The following ZFYVE27 variants were observed in gnomAD, a reference collection of about 807,000 sequenced individuals.
ZFYVE27 encodes the protein protrudin.
Under a neutral mutation model 52.8 loss-of-function variants are expected in ZFYVE27, and 36 were observed. The ratio of observed to expected loss-of-function variants is 0.68; its 90% CI spans 0.52 to 0.90. The LOEUF (loss-of-function observed/expected upper bound fraction) is 0.90, where lower values mean the gene tolerates loss of function less well. Among genes scored for constraint, ZFYVE27 ranks in the 40% least tolerant of loss-of-function variants. The pLI, the probability that ZFYVE27 is intolerant of heterozygous loss-of-function variation, is 0.00. For missense variants in ZFYVE27, 450 were observed against 527.2 expected (o/e 0.85, Z 1.43); for synonymous variants, 223 against 215.6 (o/e 1.03, Z -0.30).
intron 10 of ZFYVE27, among the ~76,000 whole-genome samples, chr10:97,753,428 A>C (rs1253248500): frequency 6.6e-6 from 1 of 152,106 alleles, no homozygotes; most frequent in Non-Finnish European, 1.5e-5. Flanking sequence ...AGTTGTGGGA[A>C]GACAAGGAAC....
intron 2 of ZFYVE27, among the ~76,000 whole-genome samples, chr10:97,740,400 C>T (rs1226237356): frequency 1.3e-5 from 2 of 152,218 alleles, no homozygotes; most frequent in African/African-American, 4.8e-5. Context: ...AGGCTGTTTT[C>T]TCCTTTTATA....
intron 12 of ZFYVE27, among the ~76,000 whole-genome samples, chr10:97,758,387 G>A (rs945983378): frequency 2.7e-5 from 4 of 149,046 alleles, no homozygotes; most frequent in African/African-American, 5.0e-5. Flanking sequence ...GCAGTGGTAC[G>A]GCCTTGGCTC....
chr10:97,748,280 T>G lies in ZFYVE27; in HGVS notation c.467T>G (p.Leu156Arg). 2 of 1,614,084 alleles carry G rather than the reference T, an allele frequency of 1.2e-6. No individual in the cohort carries two copies. The highest frequency in any genetic ancestry group is 1.7e-6 in the Non-Finnish European group (2 of 1,180,026). The change falls in exon 5 of 13, where the codon CTG becomes CGG. Residue 156 changes from leucine to arginine, a missense_variant. Coordinates refer to ENST00000684270, the MANE Select transcript of ZFYVE27 (RefSeq NM_001385875.1). ...CCCTGTGTCTGTAGCTTGATCCAGC[T>G]GGAGGCCTTCCTGAGCCGCCTGTGC... ...VAEVKSFLIQ[L>R]EAFLSRLCCT... is the part of the protein sequence containing the mutation.
intron 11 of ZFYVE27, 135 bp from the exon 12 acceptor site, chr10:97,757,507 T>C (rs1048211324): frequency 7.9e-7 from 1 of 1,265,452 alleles, no homozygotes; most frequent in East Asian, 2.3e-5. Flanking sequence ...CCATTTGCTC[T>C]CTTTCCTGCT....
intron 7 of ZFYVE27, among the ~76,000 whole-genome samples, chr10:97,750,941 C>A (rs1240356456): frequency 6.6e-6 from 1 of 152,074 alleles, no homozygotes; most frequent in African/African-American, 2.4e-5. Flanking sequence ...TGAGGTTTTG[C>A]CATGTTGCCC....
At chr10:97,752,069 C>T (rs1200880451) in intron 8 of ZFYVE27, among the ~76,000 whole-genome samples, 1 of 152,186 alleles carries the variant, frequency 6.6e-6, no homozygotes, top group Non-Finnish European at 1.5e-5. Context: ...GAGTCTGCAG[C>T]AGTAGGTGTA....
intron 7 of ZFYVE27, 117 bp downstream of exon 7, chr10:97,750,587 T>G: frequency 3.0e-6 from 4 of 1,352,022 alleles, no homozygotes; most frequent in Non-Finnish European, 4.1e-6. Context: ...TCCCAGGCCT[T>G]AACTCCCCTG....
intron 4 of ZFYVE27, among the ~76,000 whole-genome samples, chr10:97,746,096 T>C (rs1465104337): frequency 2.0e-5 from 3 of 147,670 alleles, no homozygotes; most frequent in African/African-American, 5.0e-5. Flanking sequence ...TAACCCAGGC[T>C]GAAATGCAGT....
In ZFYVE27 at chr10:97,750,345, A is replaced by T; in HGVS notation, c.679A>T (p.Arg227Trp). 1 of 1,614,092 alleles carries T rather than the reference A, an allele frequency of 6.2e-7. No homozygotes were observed. The highest frequency in any genetic ancestry group is 8.5e-7 in the Non-Finnish European group (1 of 1,180,018). ...TCCCTGGGTAGTTGTGTCTGAGTAC[A>T]GGGCATCTCTGCAGCAGAGGATGAA... ...VEFFRVVSEY[R>W]ASLQQRMNPK... Residue 227 changes from arginine (R) to tryptophan (W), a missense_variant, in exon 7 of 13, where the codon AGG becomes TGG. Physicochemically the swap from Arg to Trp is moderately radical, Grantham distance 101. Coordinates refer to ENST00000684270, the MANE Select transcript of ZFYVE27 (RefSeq NM_001385875.1).
chr10:97,742,708 A>G (rs1321494347), intron 2 of ZFYVE27, among the ~76,000 whole-genome samples: 1 of 152,208 alleles, frequency 6.6e-6, no homozygotes, highest in Non-Finnish European at 1.5e-5. Flanking sequence ...TGCAATGATT[A>G]TATATTCTTA....
At chr10:97,743,238 C>A in intron 3 of ZFYVE27, 74 bp downstream of exon 3, 2 of 1,516,488 alleles carry the variant, frequency 1.3e-6, no homozygotes, top group Non-Finnish European at 1.8e-6. Context: ...GCAGCCCCAC[C>A]CTATGTGTGG....
At chr10:97,747,736 C>G (rs1474755642) in intron 4 of ZFYVE27, among the ~76,000 whole-genome samples, 3 of 152,100 alleles carry the variant, frequency 2.0e-5, no homozygotes, top group East Asian at 1.9e-4. Flanking sequence ...ACTTCCCTGC[C>G]CCAGCCCTGG....
chr10:97,738,500 G>A lies in ZFYVE27; in HGVS notation c.23G>A (p.Gly8Glu). The stretch of plus-strand genomic sequence containing the variant: ...AGGATGCAGACATCAGAACGTGAGG[G>A]GAGTGGGCCGGAGCTGAGCCCCAGC... MQTSERE[G>E]SGPELSPSVM... is the part of the protein sequence containing the mutation. The change falls in exon 2 of 13, where the codon GGG becomes GAG. Residue 8 changes from glycine (G) to glutamate (E), a missense_variant. Gly to Glu is a moderately conservative substitution (Grantham distance 98). Transcript: ENST00000684270. The A allele has an allele frequency of 6.2e-7, 1 of 1,614,164 alleles. No homozygotes were observed. The highest frequency in any genetic ancestry group is 8.5e-7 in the Non-Finnish European group (1 of 1,180,036).
chr10:97,750,610 A>T, intron 7 of ZFYVE27, 140 bp downstream of exon 7: 1 of 1,149,694 alleles, frequency 8.7e-7, no homozygotes, highest in Non-Finnish European at 1.2e-6. Flanking sequence ...GTGTTCAATA[A>T]TAATAATTGT....
At chr10:97,741,271 C>T (rs1213215176) in intron 2 of ZFYVE27, among the ~76,000 whole-genome samples, 1 of 152,120 alleles carries the variant, frequency 6.6e-6, no homozygotes, top group Admixed American at 6.6e-5. Context: ...GGTATATATC[C>T]AAAAGATTAT....
At position 97,759,894 on chromosome 10, in the gene ZFYVE27, C is replaced by T; in HGVS notation, c.*594C>T. ...GCTTCTAGAAACAGGGTTGAAGTTC[C>T]CAGATTCCCTGAGAGGAGAATGTGT... is the stretch of plus-strand genomic sequence containing the variant. On this transcript the variant is annotated 3_prime_UTR_variant, in exon 13 of 13. Coordinates refer to ENST00000684270, the MANE Select transcript of ZFYVE27 (RefSeq NM_001385875.1). 1 of 168,884 alleles carries T rather than the reference C, an allele frequency of 5.9e-6. No homozygotes were observed. The highest frequency in any genetic ancestry group is 5.4e-5 in the Admixed American group (1 of 18,452). 10.5% of individuals were successfully genotyped at this position (168,884 alleles called of 1,614,324 possible). A position where few individuals can be genotyped will look rare whatever the true frequency, so the allele number is the denominator to read the frequency against.
intron 4 of ZFYVE27, among the ~76,000 whole-genome samples, chr10:97,746,679 CCTTTTTT>C (rs2045520488): frequency 1.3e-5 from 2 of 151,022 alleles, no homozygotes; most frequent in Non-Finnish European, 1.5e-5. Context: ...TAATTTTTTT[CCTTTTTT>C]CTTTTTTTTT....
At chr10:97,748,137 C>A in intron 4 of ZFYVE27, 132 bp from the exon 5 acceptor site, 1 of 862,268 alleles carries the variant, frequency 1.2e-6, no homozygotes, top group Non-Finnish European at 1.9e-6. Flanking sequence ...CTCTCGACTC[C>A]TCTCTCTTTA....
chr10:97,747,582 A>G (rs1414557333), intron 4 of ZFYVE27, among the ~76,000 whole-genome samples: 1 of 152,172 alleles, frequency 6.6e-6, no homozygotes, highest in Non-Finnish European at 1.5e-5. Flanking sequence ...GTTAGAATCT[A>G]TTACTATCAT....
Sources: gnomAD v4.1 joint callset for allele counts (sites outside exome capture counted in the v4.1 genomes callset) on GRCh38, gnomAD v4.1.1 for gene constraint, MANE v1.5 for transcripts, NCBI Gene and HGNC (gene_info 2026-07-23, HGNC 2026-07-21) for gene names.